The following PCSK5 variants were observed in gnomAD, a reference collection of about 807,000 sequenced individuals.
PCSK5 encodes prohormone convertase 5.
PCSK5 carries 129 observed loss-of-function variants against 233.2 expected under a neutral mutation model. The observed-to-expected ratio is 0.55, with a 90% CI of 0.48 to 0.64. The LOEUF is 0.64. Ranked by LOEUF, PCSK5 falls within the 30% of genes least tolerant of loss-of-function variation. The probability of loss-of-function intolerance (pLI) is 0.00; values close to 1 mark genes in which losing one functional copy is unlikely to be tolerated. For synonymous variants in PCSK5, 825 were observed against 879.2 expected, an observed-to-expected ratio of 0.94 and a Z score of 1.09; for missense variants, 2,076 against 2,430.1, an observed-to-expected ratio of 0.85 and a Z score of 3.06.
chr9:76,038,366 G>A (rs1370686359), intron 5 of PCSK5, among the ~76,000 whole-genome samples: 4 of 152,144 alleles, frequency 2.6e-5, no homozygotes, highest in African/African-American at 4.8e-5. Context: ...CTTGGGACCC[G>A]TTCATTTTAG....
At chr9:75,953,358 C>T (rs1411514790) in intron 2 of PCSK5, among the ~76,000 whole-genome samples, 1 of 152,022 alleles carries the variant, frequency 6.6e-6, no homozygotes, top group East Asian at 1.9e-4. Context: ...TAGCAACCAC[C>T]AATAAATATT....
intron 24 of PCSK5, among the ~76,000 whole-genome samples, chr9:76,251,218 G>T (rs1346200451): frequency 6.6e-6 from 1 of 152,118 alleles, no homozygotes; most frequent in South Asian, 2.1e-4. Flanking sequence ...AGTGAGCTAT[G>T]ATCACGCCAC....
intron 5 of PCSK5, among the ~76,000 whole-genome samples, chr9:76,040,385 GTCTCTCTC>G (rs5898445): frequency 1.2e-5 from 1 of 80,620 alleles, no homozygotes; most frequent in East Asian, 4.3e-4. Context: ...CTCTCTCTCT[GTCTCTCTC>G]TCTCTCTCTC....
chr9:76,099,504 G>A (rs984125258), intron 8 of PCSK5, among the ~76,000 whole-genome samples: 8 of 152,176 alleles, frequency 5.3e-5, no homozygotes, highest in South Asian at 2.1e-4. Context: ...GGTGCCTATC[G>A]CACCTCAGTT....
At chr9:76,205,148 C>T (rs748641880) in intron 20 of PCSK5, 3 of 518,644 alleles carry the variant, frequency 5.8e-6, no homozygotes, top group Non-Finnish European at 1.2e-5. Context: ...GTATTTTTTC[C>T]CCCACCAAAA....
At chr9:75,911,312 C>T (rs558686134) in intron 1 of PCSK5, among the ~76,000 whole-genome samples, 1 of 137,856 alleles carries the variant, frequency 7.3e-6, no homozygotes, top group Admixed American at 8.3e-5. Context: ...TTATAGTGAA[C>T]CCAGCAAGTC....
chr9:76,081,468 T>C (rs1477558591), intron 7 of PCSK5, among the ~76,000 whole-genome samples: 2 of 149,442 alleles, frequency 1.3e-5, no homozygotes, highest in East Asian at 1.9e-4. Context: ...AATAAATAAA[T>C]AAATAAACAA....
chr9:76,188,766 CT>C, intron 18 of PCSK5, 91 bp downstream of exon 18: 1 of 863,922 alleles, frequency 1.2e-6, no homozygotes, highest in Non-Finnish European at 1.9e-6. Context: ...CCACTTGATA[CT>C]TTTAAAGTAA....
chr9:76,110,143 G>A (rs756065434), intron 9 of PCSK5, among the ~76,000 whole-genome samples: 6 of 152,280 alleles, frequency 3.9e-5, no homozygotes, highest in Middle Eastern at 3.4e-3. Context: ...TACAAGATAC[G>A]CTCTTTTAAG....
At chr9:76,026,295 A>T (rs1323733132) in intron 4 of PCSK5, among the ~76,000 whole-genome samples, 1 of 152,184 alleles carries the variant, frequency 6.6e-6, no homozygotes, top group African/African-American at 2.4e-5. Context: ...TTGAAATCTT[A>T]GTGTAGGAAA....
intron 9 of PCSK5, among the ~76,000 whole-genome samples, chr9:76,116,028 C>A (rs994522422): frequency 2.6e-5 from 4 of 152,056 alleles, no homozygotes; most frequent in African/African-American, 9.7e-5. Flanking sequence ...TTTGTATTAA[C>A]TGATACCAAC....
chr9:76,002,034 C>G (rs1827284302), intron 3 of PCSK5, among the ~76,000 whole-genome samples: 1 of 152,100 alleles, frequency 6.6e-6, no homozygotes, highest in African/African-American at 2.4e-5. Context: ...AGGAAAGAAA[C>G]AAGACATGTA....
At chr9:76,043,335 CAAA>C (rs71372040) in intron 5 of PCSK5, among the ~76,000 whole-genome samples, 1 of 64,016 alleles carries the variant, frequency 1.6e-5, no homozygotes, top group Non-Finnish European at 2.9e-5. Context: ...GACTCCATCT[CAAA>C]AAAAAAAAAA....
At chr9:75,994,064 C>T (rs868689153) in intron 3 of PCSK5, among the ~76,000 whole-genome samples, 1 of 152,208 alleles carries the variant, frequency 6.6e-6, no homozygotes, top group South Asian at 2.1e-4. Flanking sequence ...ACAGCCCAAC[C>T]TTGCACACAG....
chr9:76,101,331 T>C (rs1831748042), intron 8 of PCSK5, among the ~76,000 whole-genome samples: 2 of 152,176 alleles, frequency 1.3e-5, no homozygotes, highest in South Asian at 4.1e-4. Flanking sequence ...TGTCGGTAGG[T>C]TGGTGAAAGT....
chr9:76,000,466 G>A (rs1174840364), intron 3 of PCSK5, among the ~76,000 whole-genome samples: 3 of 152,078 alleles, frequency 2.0e-5, no homozygotes, highest in Non-Finnish European at 2.9e-5. Context: ...GTTCATTGAG[G>A]TTTGCCAGAT....
chr9:75,940,162 A>G (rs1274839840), intron 2 of PCSK5, among the ~76,000 whole-genome samples: 1 of 152,204 alleles, frequency 6.6e-6, no homozygotes, highest in African/African-American at 2.4e-5. Context: ...GACAGGGCAA[A>G]CATTTCTATA....
chr9:76,310,570 T>A, intron 29 of PCSK5, 86 bp from the exon 30 acceptor site: 1 of 843,258 alleles, frequency 1.2e-6, no homozygotes, highest in Non-Finnish European at 1.7e-6. Flanking sequence ...GATACTTTGG[T>A]CTTTGGAAAG....
At chr9:76,142,841 A>G (rs547008929) in intron 10 of PCSK5, among the ~76,000 whole-genome samples, 3 of 152,112 alleles carry the variant, frequency 2.0e-5, no homozygotes, top group Non-Finnish European at 4.4e-5. Context: ...TCTTCTTTGT[A>G]GTCTGTTTTC....
Sources: allele counts gnomAD v4.1 joint callset (sites outside exome capture counted in the v4.1 genomes callset), GRCh38; gene constraint gnomAD v4.1.1; transcripts MANE v1.5; gene names NCBI Gene and HGNC (gene_info 2026-07-23, HGNC 2026-07-21).